Variants in ALDH1A2 observed in about 807,000 individuals in gnomAD.
The protein encoded by ALDH1A2 is retinal dehydrogenase 2.
ALDH1A2 carries 27 observed loss-of-function variants against 60.3 expected under a neutral mutation model. The ratio of observed to expected loss-of-function variants is 0.45; its 90% CI spans 0.33 to 0.62. The LOEUF is 0.62. Ranked by LOEUF, ALDH1A2 falls within the 20% of genes least tolerant of loss-of-function variation. The pLI, the probability that ALDH1A2 is intolerant of heterozygous loss-of-function variation, is 0.02. For synonymous variants in ALDH1A2, 289 were observed against 232.4 expected (o/e 1.24, Z -2.21); for missense variants, 581 against 643.8 (o/e 0.90, Z 1.06).
chr15:58,016,862 A>G (rs1895803197), intron 1 of ALDH1A2, among the ~76,000 whole-genome samples: 1 of 152,206 alleles, frequency 6.6e-6, no homozygotes, highest in Non-Finnish European at 1.5e-5. Flanking sequence ...AAAAGTTATA[A>G]AAGAAGTCTA....
chr15:58,029,534 T>C (rs539017073), intron 1 of ALDH1A2, among the ~76,000 whole-genome samples: 112 of 142,070 alleles, frequency 7.9e-4, no homozygotes, highest in Non-Finnish European at 1.4e-3. Context: ...AGGCAAGAAA[T>C]AACTAAGATG....
chr15:57,982,063 T>G (rs1443617320), intron 7 of ALDH1A2, among the ~76,000 whole-genome samples: 5 of 152,180 alleles, frequency 3.3e-5, no homozygotes, highest in African/African-American at 9.7e-5. Flanking sequence ...GGCATTAATC[T>G]ATTAATGTGG....
At chr15:58,032,922 A>T (rs968496971) in intron 1 of ALDH1A2, among the ~76,000 whole-genome samples, 1 of 152,058 alleles carries the variant, frequency 6.6e-6, no homozygotes, top group Non-Finnish European at 1.5e-5. Context: ...TAAGCCAGGC[A>T]TAAGAAGACA....
chr15:57,983,478 G>A (rs1171856145), intron 7 of ALDH1A2, among the ~76,000 whole-genome samples: 1 of 152,156 alleles, frequency 6.6e-6, no homozygotes, highest in Non-Finnish European at 1.5e-5. Context: ...CTTGCCAGTT[G>A]TGACTATTAA....
At chr15:57,975,130 A>AT (rs2140466049) in intron 7 of ALDH1A2, among the ~76,000 whole-genome samples, 1 of 152,394 alleles carries the variant, frequency 6.6e-6, no homozygotes, top group South Asian at 2.1e-4. Context: ...GTAAGATGGT[A>AT]TAACCGATTT....
At chr15:57,957,153 T>G (rs1176907848) in intron 12 of ALDH1A2, among the ~76,000 whole-genome samples, 1 of 152,154 alleles carries the variant, frequency 6.6e-6, no homozygotes, top group African/African-American at 2.4e-5. Flanking sequence ...TAAAGAGCAC[T>G]GAAGCTGGGG....
intron 7 of ALDH1A2, among the ~76,000 whole-genome samples, chr15:57,976,660 A>G (rs1894268996): frequency 6.6e-6 from 1 of 152,150 alleles, no homozygotes; most frequent in Admixed American, 6.6e-5. Context: ...TATCCAGTCT[A>G]TCATCGATGG....
At chr15:58,006,798 A>C (rs373685172) in intron 4 of ALDH1A2, among the ~76,000 whole-genome samples, 12 of 150,306 alleles carry the variant, frequency 8.0e-5, no homozygotes, top group African/African-American at 2.9e-4. Flanking sequence ...CTGATGCACA[A>C]ATTCTCAGCT....
intron 3 of ALDH1A2, chr15:58,012,012 G>C (rs970942337): frequency 2.6e-5 from 4 of 152,092 alleles, no homozygotes; most frequent in Admixed American, 2.6e-4. Flanking sequence ...GTTTACTTTG[G>C]ATGCAGGATT....
chr15:57,967,719 T>G (rs1893941300), intron 7 of ALDH1A2, among the ~76,000 whole-genome samples: 1 of 152,104 alleles, frequency 6.6e-6, no homozygotes, highest in South Asian at 2.1e-4. Context: ...CTTACCAAGG[T>G]GTTGGAAAAT....
chr15:58,035,589 C>A (rs1012997068), intron 1 of ALDH1A2, among the ~76,000 whole-genome samples: 60 of 151,626 alleles, frequency 4.0e-4, no homozygotes, highest in African/African-American at 1.4e-3. Context: ...GCTTTAGCAG[C>A]ATCCCACAAA....
chr15:57,980,497 G>T (rs1894457812), intron 7 of ALDH1A2: 1 of 278,722 alleles, frequency 3.6e-6, no homozygotes, highest in Non-Finnish European at 7.6e-6. Flanking sequence ...GGCTCTTCTG[G>T]AAGTCAGGCT....
intron 7 of ALDH1A2, among the ~76,000 whole-genome samples, chr15:57,967,706 T>C (rs1341534644): frequency 6.6e-6 from 1 of 152,196 alleles, no homozygotes; most frequent in Non-Finnish European, 1.5e-5. Flanking sequence ...GCTGAAAACA[T>C]GACTTACCAA....
At chr15:57,973,503 T>C (rs1450167067) in intron 7 of ALDH1A2, among the ~76,000 whole-genome samples, 1 of 152,222 alleles carries the variant, frequency 6.6e-6, no homozygotes, top group Non-Finnish European at 1.5e-5. Flanking sequence ...ATGTTCACTC[T>C]GGAAGAATCT....
intron 12 of ALDH1A2, among the ~76,000 whole-genome samples, chr15:57,958,865 C>G (rs1446271993): frequency 2.0e-5 from 3 of 152,098 alleles, no homozygotes; most frequent in Admixed American, 6.5e-5. Flanking sequence ...TGCAGTGGGT[C>G]TCATCAAAGA....
chr15:58,050,240 T>G (rs1024180486), intron 1 of ALDH1A2, among the ~76,000 whole-genome samples: 1 of 152,128 alleles, frequency 6.6e-6, no homozygotes. Context: ...TATTCCAGTG[T>G]ACCAGTTTTA....
chr15:58,051,005 G>A (rs1467755246), intron 1 of ALDH1A2, among the ~76,000 whole-genome samples: 1 of 152,046 alleles, frequency 6.6e-6, no homozygotes, highest in African/African-American at 2.4e-5. Flanking sequence ...TGCTTGTGAC[G>A]GTAAACAAAA....
Position 57,965,754 on chromosome 15 carries a change from C to G in ALDH1A2, c.872G>C (p.Ser291Thr). 4 of 1,614,106 alleles carry G rather than the reference C, an allele frequency of 2.5e-6. No individual in the cohort carries two copies. Among genetic ancestry groups the G allele is most frequent in the Non-Finnish European group, 3.4e-6 (4 of 1,179,936 alleles). ...KRVTLELGGK[S>T]PNIIFADADL... ...AGCATCAGCAAAAATAATATTAGGA[C>G]TTTTGCCTCCAAGTTCCAGAGTTAC... Residue 291 changes from serine to threonine, a missense_variant, in exon 8 of 13, where the codon AGT (serine) becomes ACT (threonine). Physicochemically the swap from Ser to Thr is moderately conservative, Grantham distance 58. This residue lies in a region of ALDH1A2 where 375 missense variants were observed against 469.7 expected (regional missense o/e 0.80). Transcript: ENST00000249750.
intron 1 of ALDH1A2, among the ~76,000 whole-genome samples, chr15:58,040,754 C>T (rs1183587054): frequency 6.6e-6 from 1 of 151,736 alleles, no homozygotes; most frequent in Non-Finnish European, 1.5e-5. Flanking sequence ...AATTGAAAAC[C>T]AAATTGAGCA....
Sources: allele counts gnomAD v4.1 joint callset (sites outside exome capture counted in the v4.1 genomes callset), GRCh38; gene constraint gnomAD v4.1.1; regional missense constraint gnomAD v4.1.1; transcripts MANE v1.5; gene names NCBI Gene and HGNC (gene_info 2026-07-23, HGNC 2026-07-21).